Variants in MAF observed in about 807,000 individuals in gnomAD.
MAF encodes the protein MAF bZIP transcription factor, also known as transcription factor Maf.
MAF carries 10 observed loss-of-function variants against 22.0 expected under a neutral mutation model. That is an observed-to-expected ratio of 0.45 (90% CI 0.28 to 0.77). The LOEUF is 0.77. Among genes scored for constraint, MAF ranks in the 30% least tolerant of loss-of-function variants. The probability of loss-of-function intolerance (pLI) is 0.12; values close to 1 mark genes in which losing one functional copy is unlikely to be tolerated. For synonymous variants in MAF, 337 were observed against 255.8 expected, an observed-to-expected ratio of 1.32 and a Z score of -3.03; for missense variants, 544 against 548.4, an observed-to-expected ratio of 0.99 and a Z score of 0.08.
At chr16:79,233,169 G>A in the MAF span, among the ~76,000 whole-genome samples, 3 of 152,024 alleles carry the variant, frequency 2.0e-5, no homozygotes, top group East Asian at 1.9e-4. Context: ...GACTACCCGT[G>A]CAGGTTTTTC....
the MAF span, among the ~76,000 whole-genome samples, chr16:79,293,833 T>TG: frequency 7.8e-6 from 1 of 128,716 alleles, no homozygotes; most frequent in African/African-American, 3.4e-5. Flanking sequence ...GGCTTCTAAA[T>TG]GAAAAGAGAG....
the MAF span, among the ~76,000 whole-genome samples, chr16:79,384,429 G>C: frequency 3.1e-5 from 4 of 129,808 alleles, no homozygotes; most frequent in African/African-American, 9.1e-5. Context: ...TGGGCAACAA[G>C]AGCAAAACTC....
the MAF span, among the ~76,000 whole-genome samples, chr16:79,404,905 A>G: frequency 6.6e-6 from 1 of 152,128 alleles, no homozygotes; most frequent in African/African-American, 2.4e-5. Context: ...AGACACTTAC[A>G]AATTCACTCA....
At chr16:79,523,515 C>A in the MAF span, among the ~76,000 whole-genome samples, 1 of 152,218 alleles carries the variant, frequency 6.6e-6, no homozygotes, top group Non-Finnish European at 1.5e-5. Context: ...CTGCTGAACA[C>A]CAACTGCAGC....
the MAF span, among the ~76,000 whole-genome samples, chr16:79,517,864 C>T: frequency 8.5e-5 from 13 of 152,274 alleles, no homozygotes; most frequent in Middle Eastern, 0.01. Flanking sequence ...CATGAGCCAC[C>T]GCTTTTGGCT....
At chr16:79,271,759 CA>C in the MAF span, among the ~76,000 whole-genome samples, 1 of 152,184 alleles carries the variant, frequency 6.6e-6, no homozygotes, top group South Asian at 2.1e-4. Flanking sequence ...GACATCTATC[CA>C]GGTTTCTTCC....
chr16:79,469,466 T>C, the MAF span, among the ~76,000 whole-genome samples: 1 of 152,180 alleles, frequency 6.6e-6, no homozygotes, highest in Non-Finnish European at 1.5e-5. Flanking sequence ...TCCTCCTCTA[T>C]AAGTAGAGAT....
the MAF span, among the ~76,000 whole-genome samples, chr16:79,327,444 G>A: frequency 6.6e-6 from 1 of 152,136 alleles, no homozygotes; most frequent in Admixed American, 6.5e-5. Flanking sequence ...AGGCAGATGG[G>A]TCTGGGGATG....
the MAF span, among the ~76,000 whole-genome samples, chr16:79,412,151 TG>T: frequency 1.3e-5 from 2 of 152,182 alleles, no homozygotes; most frequent in Non-Finnish European, 2.9e-5. Flanking sequence ...GGCCTGTGAC[TG>T]GGGGTAATTT....
At chr16:79,277,689 A>T in the MAF span, among the ~76,000 whole-genome samples, 1 of 152,180 alleles carries the variant, frequency 6.6e-6, no homozygotes, top group African/African-American at 2.4e-5. Context: ...CTTCCTCTCT[A>T]TGTGACCAGG....
chr16:79,351,300 T>G, the MAF span, among the ~76,000 whole-genome samples: 5 of 152,126 alleles, frequency 3.3e-5, no homozygotes, highest in East Asian at 9.7e-4. Context: ...TAACAAGGAG[T>G]AGAGGTAGCT....
chr16:79,277,369 G>A, the MAF span, among the ~76,000 whole-genome samples: 1 of 152,296 alleles, frequency 6.6e-6, no homozygotes, highest in African/African-American at 2.4e-5. Context: ...CATTTATGGA[G>A]CTATGACTTT....
At chr16:79,544,772 C>CAAAAAA in the MAF span, among the ~76,000 whole-genome samples, 2 of 113,614 alleles carry the variant, frequency 1.8e-5, no homozygotes, top group African/African-American at 3.6e-5. Flanking sequence ...GGCTCTGTCT[C>CAAAAAA]AAAAAAAAAA....
At chr16:79,421,922 C>T in the MAF span, among the ~76,000 whole-genome samples, 2 of 152,172 alleles carry the variant, frequency 1.3e-5, no homozygotes, top group Non-Finnish European at 2.9e-5. Flanking sequence ...GGATCACAGG[C>T]ATGTGCCATC....
chr16:79,220,255 CAAAAA>C, the MAF span, among the ~76,000 whole-genome samples: 7 of 94,062 alleles, frequency 7.4e-5, no homozygotes, highest in African/African-American at 2.8e-4. Flanking sequence ...GACTCCATCT[CAAAAA>C]AAAAAAAAAA....
the MAF span, among the ~76,000 whole-genome samples, chr16:79,268,846 A>G: frequency 6.6e-6 from 1 of 152,190 alleles, no homozygotes; most frequent in African/African-American, 2.4e-5. Context: ...GCTTGTCTGC[A>G]ATTCTTCCCT....
the MAF span, among the ~76,000 whole-genome samples, chr16:79,488,371 G>A: frequency 6.6e-6 from 1 of 152,318 alleles, no homozygotes; most frequent in South Asian, 2.1e-4. Flanking sequence ...GCAGGTAGGA[G>A]GCTCTGGGGC....
At chr16:79,345,978 G>A in the MAF span, among the ~76,000 whole-genome samples, 1 of 151,852 alleles carries the variant, frequency 6.6e-6, no homozygotes, top group Non-Finnish European at 1.5e-5. Flanking sequence ...GTTATGAATG[G>A]AGTTTGAAAC....
the MAF span, chr16:79,211,835 T>G: frequency 1.2e-6 from 2 of 1,612,752 alleles, no homozygotes; most frequent in South Asian, 2.2e-5. Flanking sequence ...ACCCGCCCTG[T>G]GTGTGTCCCC....
Sources: gnomAD v4.1 joint callset for allele counts (sites outside exome capture counted in the v4.1 genomes callset) on GRCh38, gnomAD v4.1.1 for gene constraint, MANE v1.5 for transcripts, NCBI Gene and HGNC (gene_info 2026-07-23, HGNC 2026-07-21) for gene names.